The following CTNNA2 variants were observed in gnomAD, a reference collection of about 807,000 sequenced individuals.
CTNNA2 encodes the protein catenin alpha 2, also known as catenin alpha-2.
CTNNA2 carries 42 observed loss-of-function variants against 101.0 expected under a neutral mutation model. That is an observed-to-expected ratio of 0.42 (90% CI 0.32 to 0.54). The LOEUF (loss-of-function observed/expected upper bound fraction) is 0.54, where lower values mean the gene tolerates loss of function less well. Ranked by LOEUF, CTNNA2 falls within the 20% of genes least tolerant of loss-of-function variation. CTNNA2 has a pLI of 0.14. For synonymous variants in CTNNA2, 450 were observed against 456.4 expected, an observed-to-expected ratio of 0.99 and a Z score of 0.18; for missense variants, 871 against 1,223.1, an observed-to-expected ratio of 0.71 and a Z score of 4.29.
At chr2:79,504,795 C>A (rs576529352) in intron 4 of CTNNA2, among the ~76,000 whole-genome samples, 1 of 152,206 alleles carries the variant, frequency 6.6e-6, no homozygotes, top group East Asian at 1.9e-4. Context: ...AATTTAAGTA[C>A]AGTGAAAAGG....
At chr2:80,045,069 C>G (rs1038066148) in intron 7 of CTNNA2, among the ~76,000 whole-genome samples, 5 of 152,166 alleles carry the variant, frequency 3.3e-5, no homozygotes, top group African/African-American at 1.2e-4. Flanking sequence ...TATGGCCTCT[C>G]CAGAGTAATG....
intron 2 of CTNNA2, among the ~76,000 whole-genome samples, chr2:79,285,533 G>A (rs376693807): frequency 1.4e-5 from 2 of 138,492 alleles, no homozygotes; most frequent in South Asian, 5.0e-4. Flanking sequence ...TTCAGGAGCA[G>A]GTTGTTCAGT....
In CTNNA2 at chr2:79,886,526, C is replaced by T. The variant is rs553520747; in HGVS notation, c.852+12184C>T. Among the ~76,000 whole-genome samples the T allele has an allele frequency of 1.1e-3, 160 of 151,458 alleles. 1 individual carries two copies. The highest frequency in any genetic ancestry group is 0.01 in the Middle Eastern group (3 of 294). On this transcript the variant is annotated intron_variant, in intron 6 of 18. Transcript: ENST00000402739. ...CAGCACTTTGGGAGGCCGAGGCGGG[C>T]GGATCACGAGGTCAGGAGATCAAGA...
At chr2:80,250,899 T>C (rs1013066178) in intron 7 of CTNNA2, among the ~76,000 whole-genome samples, 1 of 152,170 alleles carries the variant, frequency 6.6e-6, no homozygotes. Flanking sequence ...TACTATGATA[T>C]TGGTAGGTAT....
At chr2:79,463,411 A>C (rs1013737142) in intron 4 of CTNNA2, among the ~76,000 whole-genome samples, 1 of 151,930 alleles carries the variant, frequency 6.6e-6, no homozygotes, top group African/African-American at 2.4e-5. Context: ...AAAAAAAAAA[A>C]AAAGAAAGTC....
intron 7 of CTNNA2, among the ~76,000 whole-genome samples, chr2:80,192,701 G>T (rs1442615819): frequency 6.6e-6 from 1 of 152,074 alleles, no homozygotes; most frequent in Non-Finnish European, 1.5e-5. Flanking sequence ...TTTTAGTAGA[G>T]ATGGGGTTTC....
At chr2:80,406,082 G>A (rs114769176) in intron 8 of CTNNA2, among the ~76,000 whole-genome samples, 13 of 152,290 alleles carry the variant, frequency 8.5e-5, no homozygotes, top group East Asian at 5.8e-4. Context: ...TTTGGGCCAC[G>A]CGCGGTGGCT....
intron 6 of CTNNA2, among the ~76,000 whole-genome samples, chr2:79,906,182 C>T (rs1382556396): frequency 6.6e-6 from 1 of 151,858 alleles, no homozygotes; most frequent in Admixed American, 6.6e-5. Flanking sequence ...CATACTGTAC[C>T]GACCCATTCA....
intron 7 of CTNNA2, among the ~76,000 whole-genome samples, chr2:79,915,908 C>T (rs1210523708): frequency 6.6e-6 from 1 of 152,162 alleles, no homozygotes; most frequent in Non-Finnish European, 1.5e-5. Context: ...AAGATCGAAA[C>T]CTTCCGAAGG....
At chr2:79,721,508 A>G (rs1014503301) in intron 2 of CTNNA2, among the ~76,000 whole-genome samples, 2 of 152,216 alleles carry the variant, frequency 1.3e-5, no homozygotes, top group South Asian at 2.1e-4. Context: ...TTTCCAACAC[A>G]TGAAATGTGG....
At chr2:79,379,369 T>C (rs1333101728) in intron 4 of CTNNA2, among the ~76,000 whole-genome samples, 1 of 152,222 alleles carries the variant, frequency 6.6e-6, no homozygotes, top group Non-Finnish European at 1.5e-5. Flanking sequence ...GAAATACATG[T>C]AGAAATCTCC....
intron 4 of CTNNA2, among the ~76,000 whole-genome samples, chr2:79,468,759 C>T (rs565160405): frequency 2.0e-5 from 3 of 152,272 alleles, no homozygotes; most frequent in East Asian, 3.9e-4. Flanking sequence ...GGAAACTGAA[C>T]AACCTGCTCC....
At chr2:80,344,018 G>A (rs1180205637) in intron 7 of CTNNA2, among the ~76,000 whole-genome samples, 1 of 151,918 alleles carries the variant, frequency 6.6e-6, no homozygotes, top group Admixed American at 6.6e-5. Context: ...CTCTCTTGAG[G>A]CCTCTCCAAT....
chr2:79,227,059 A>G (rs1386921903), intron 2 of CTNNA2, among the ~76,000 whole-genome samples: 1 of 152,152 alleles, frequency 6.6e-6, no homozygotes, highest in African/African-American at 2.4e-5. Flanking sequence ...CTATGTTAAA[A>G]ATGAAAATAT....
chr2:79,775,660 A>G (rs979144511), intron 3 of CTNNA2, among the ~76,000 whole-genome samples: 1 of 152,196 alleles, frequency 6.6e-6, no homozygotes, highest in African/African-American at 2.4e-5. Flanking sequence ...ACTCTGTGGT[A>G]GAGGGCATGT....
intron 3 of CTNNA2, among the ~76,000 whole-genome samples, chr2:79,354,868 C>G (rs930779071): frequency 2.6e-5 from 4 of 152,180 alleles, no homozygotes; most frequent in African/African-American, 9.7e-5. Context: ...CAGTGCCTCT[C>G]TCTTGATTTA....
At chr2:79,762,717 C>T (rs546733023) in intron 3 of CTNNA2, among the ~76,000 whole-genome samples, 2 of 152,206 alleles carry the variant, frequency 1.3e-5, no homozygotes, top group South Asian at 4.1e-4. Context: ...ATTAAAAAAT[C>T]AAGAATCTTT....
At chr2:79,707,100 C>G (rs192520533) in intron 2 of CTNNA2, among the ~76,000 whole-genome samples, 57 of 152,268 alleles carry the variant, frequency 3.7e-4, no homozygotes, top group African/African-American at 1.3e-3. Flanking sequence ...AAGGACCCCT[C>G]TGGATGACCA....
intron 3 of CTNNA2, among the ~76,000 whole-genome samples, chr2:79,371,013 C>T (rs998864689): frequency 2.6e-5 from 4 of 152,082 alleles, no homozygotes; most frequent in African/African-American, 7.2e-5. Context: ...AGCTGATCAG[C>T]TTTTCTGTGT....
Sources: allele counts gnomAD v4.1 joint callset (sites outside exome capture counted in the v4.1 genomes callset), GRCh38; gene constraint gnomAD v4.1.1; transcripts MANE v1.5; gene names NCBI Gene and HGNC (gene_info 2026-07-23, HGNC 2026-07-21).